Variants in COL5A2 observed in about 807,000 individuals in gnomAD.
COL5A2 encodes collagen type V alpha 2 chain, also known as collagen alpha-2(V) chain.
In COL5A2, 23 loss-of-function variants were observed where a neutral mutation model predicts 208.2. That is an observed-to-expected ratio of 0.11 (90% CI 0.08 to 0.16). The LOEUF (loss-of-function observed/expected upper bound fraction) is 0.16, where lower values mean the gene tolerates loss of function less well. COL5A2 is among the 10% of genes least tolerant of loss of function. The pLI is 1.00. For synonymous variants in COL5A2, 625 were observed against 628.5 expected (o/e 0.99, Z 0.08); for missense variants, 1,590 against 1,956.4 (o/e 0.81, Z 3.53).
At chr2:189,091,272 T>C (rs1178263821) in intron 7 of COL5A2, among the ~76,000 whole-genome samples, 2 of 152,184 alleles carry the variant, frequency 1.3e-5, no homozygotes, top group Non-Finnish European at 2.9e-5. Context: ...AATAAAACTT[T>C]AACAGATGAG....
the COL5A2 span, among the ~76,000 whole-genome samples, chr2:189,330,711 T>C: frequency 3.5e-4 from 54 of 152,266 alleles, no homozygotes; most frequent in African/African-American, 1.3e-3. Flanking sequence ...CTCAAAAACA[T>C]GTGAAGCTAG....
intron 1 of COL5A2, among the ~76,000 whole-genome samples, chr2:189,112,129 T>A (rs1687295549): frequency 6.6e-6 from 1 of 152,138 alleles, no homozygotes; most frequent in Non-Finnish European, 1.5e-5. Context: ...AGTGCTGGGA[T>A]TACAGCCGTG....
intron 1 of COL5A2, among the ~76,000 whole-genome samples, chr2:189,187,551 T>G (rs894702605): frequency 1.3e-5 from 2 of 152,166 alleles, no homozygotes; most frequent in Non-Finnish European, 2.9e-5. Context: ...ATTAAATGAG[T>G]TGAAATTTAT....
chr2:189,354,746 A>AT, the COL5A2 span, among the ~76,000 whole-genome samples: 3 of 151,946 alleles, frequency 2.0e-5, no homozygotes, highest in Non-Finnish European at 4.4e-5. Context: ...GTATTCATTG[A>AT]TTTTTTGAAG....
chr2:189,173,885 A>G (rs1183522624), intron 1 of COL5A2, among the ~76,000 whole-genome samples: 1 of 152,170 alleles, frequency 6.6e-6, no homozygotes, highest in Non-Finnish European at 1.5e-5. Flanking sequence ...AATAATCAAC[A>G]CTTCCAGTCT....
the COL5A2 span, among the ~76,000 whole-genome samples, chr2:189,430,271 T>A: frequency 1.3e-5 from 2 of 152,062 alleles, no homozygotes; most frequent in African/African-American, 4.8e-5. Flanking sequence ...TAGATACTCA[T>A]CTAATGGAGG....
intron 1 of COL5A2, among the ~76,000 whole-genome samples, chr2:189,137,826 C>A (rs1003541892): frequency 1.3e-5 from 2 of 152,098 alleles, no homozygotes; most frequent in Non-Finnish European, 2.9e-5. Flanking sequence ...TCAGACCTGG[C>A]AAATTTTAAA....
intron 45 of COL5A2, among the ~76,000 whole-genome samples, chr2:189,046,435 T>G (rs1685668887): frequency 6.6e-6 from 1 of 152,216 alleles, no homozygotes. Context: ...GCAATCTTAT[T>G]ATGATGCAAT....
the COL5A2 span, among the ~76,000 whole-genome samples, chr2:189,347,678 T>TGCAAA: frequency 6.6e-6 from 1 of 152,176 alleles, no homozygotes; most frequent in Non-Finnish European, 1.5e-5. Context: ...TCTTGACATT[T>TGCAAA]GCAAGTTAAG....
At chr2:189,192,293 A>C (rs1688941055) in intron 1 of COL5A2, among the ~76,000 whole-genome samples, 1 of 152,204 alleles carries the variant, frequency 6.6e-6, no homozygotes, top group African/African-American at 2.4e-5. Context: ...AAAAGGAAAC[A>C]AAAACTTACC....
intron 1 of COL5A2, among the ~76,000 whole-genome samples, chr2:189,206,572 T>C (rs763229746): frequency 1.3e-5 from 2 of 152,310 alleles, no homozygotes; most frequent in Non-Finnish European, 2.9e-5. Flanking sequence ...TGGTCCCCTG[T>C]TAAAACCATG....
intron 42 of COL5A2, 72 bp from the exon 43 acceptor site, chr2:189,050,748 T>C: frequency 1.5e-6 from 2 of 1,297,404 alleles, no homozygotes; most frequent in Middle Eastern, 4.5e-4. Flanking sequence ...TACAATAAGT[T>C]GGGTACAGCT....
intron 17 of COL5A2, among the ~76,000 whole-genome samples, chr2:189,072,763 T>A (rs1686303867): frequency 1.7e-5 from 1 of 58,396 alleles, no homozygotes; most frequent in South Asian, 7.4e-4. Context: ...AGACTCCATC[T>A]CCAAAAAAAA....
Position 189,034,099 on chromosome 2 carries a change from C to A in COL5A2, c.4471G>T (p.Val1491Phe), listed in dbSNP as rs200703515. The A allele has an allele frequency of 6.2e-7, 1 of 1,613,962 alleles. No individual in the cohort carries two copies. Among genetic ancestry groups the A allele is most frequent in the Non-Finnish European group, 8.5e-7 (1 of 1,179,918 alleles). The change falls in exon 54 of 54, where the codon GTT becomes TTT. Residue 1491 changes from valine (V) to phenylalanine (F), a missense_variant. Transcript: ENST00000374866. ...DVGGTDQEFGVEIGPVCFV is the reference protein window; with the variant it reads ...DVGGTDQEFGFEIGPVCFV ...ACAAAACAAACTGGCCCAATTTCAA[C>A]GCCGAATTCCTGGTCTGTGCCGCCA...
intron 1 of COL5A2, among the ~76,000 whole-genome samples, chr2:189,165,785 A>T (rs1030775620): frequency 8.5e-5 from 13 of 152,222 alleles, no homozygotes; most frequent in African/African-American, 2.7e-4. Context: ...AAAGCTCTAT[A>T]TGTAGAAAAA....
chr2:189,316,289 T>C, the COL5A2 span, among the ~76,000 whole-genome samples: 1 of 152,092 alleles, frequency 6.6e-6, no homozygotes, highest in Non-Finnish European at 1.5e-5. Flanking sequence ...TGAAAAGGAA[T>C]GAGATCATGT....
the COL5A2 span, among the ~76,000 whole-genome samples, chr2:189,434,363 T>C: frequency 6.6e-6 from 1 of 152,102 alleles, no homozygotes; most frequent in Admixed American, 6.5e-5. Flanking sequence ...TAAAGGGTAT[T>C]CAATTAGGAA....
chr2:189,204,143 C>T (rs563852231), intron 1 of COL5A2, among the ~76,000 whole-genome samples: 1 of 152,232 alleles, frequency 6.6e-6, no homozygotes, highest in African/African-American at 2.4e-5. Context: ...GTGATCCGCC[C>T]GCCTCGGCCT....
the COL5A2 span, among the ~76,000 whole-genome samples, chr2:189,378,188 C>T: frequency 6.6e-6 from 1 of 152,094 alleles, no homozygotes; most frequent in African/African-American, 2.4e-5. Flanking sequence ...TTTTTTAATG[C>T]ATATCTATTA....
Sources: gnomAD v4.1 joint callset for allele counts (sites outside exome capture counted in the v4.1 genomes callset) on GRCh38, gnomAD v4.1.1 for gene constraint, MANE v1.5 for transcripts, NCBI Gene and HGNC (gene_info 2026-07-23, HGNC 2026-07-21) for gene names.